The following SYNE2 variants were observed in gnomAD, a reference collection of about 807,000 sequenced individuals.
SYNE2 encodes the protein spectrin repeat containing nuclear envelope protein 2.
In SYNE2, 431 loss-of-function variants were observed where a neutral mutation model predicts 856.3. The ratio of observed to expected loss-of-function variants is 0.50; its 90% CI spans 0.47 to 0.55. The LOEUF (loss-of-function observed/expected upper bound fraction) is 0.55, where lower values mean the gene tolerates loss of function less well. Ranked by LOEUF, SYNE2 falls within the 20% of genes least tolerant of loss-of-function variation. The pLI, the probability that SYNE2 is intolerant of heterozygous loss-of-function variation, is 0.00. For synonymous variants in SYNE2, 2,923 were observed against 2,872.3 expected, an observed-to-expected ratio of 1.02 and a Z score of -0.56; for missense variants, 8,129 against 8,023.2, an observed-to-expected ratio of 1.01 and a Z score of -0.50.
intron 18 of SYNE2, among the ~76,000 whole-genome samples, chr14:63,985,099 G>C (rs2096614906): frequency 6.6e-6 from 1 of 152,194 alleles, no homozygotes; most frequent in Non-Finnish European, 1.5e-5. Flanking sequence ...GAAGGCCAAG[G>C]CAGGCAGATC....
Position 64,225,061 on chromosome 14 carries a change from C to A in SYNE2, c.20516+16C>A. 1 of 1,613,642 alleles carries A rather than the reference C, an allele frequency of 6.2e-7. No individual in the cohort carries two copies. The highest frequency in any genetic ancestry group is 8.5e-7 in the Non-Finnish European group (1 of 1,179,698). The stretch of plus-strand genomic sequence containing the variant: ...CAGAGAGCAGGTAACGGGGCTTTAC[C>A]GTGACAGCAGTGCGTTCCCCTGCTC... On this transcript the variant is annotated intron_variant, in intron 115 of 115. Coordinates refer to ENST00000555002, the MANE Select transcript of SYNE2 (RefSeq NM_182914.3).
At chr14:64,174,069 T>G in intron 94 of SYNE2, 1 of 159,816 alleles carries the variant, frequency 6.3e-6, no homozygotes. Flanking sequence ...GTCTCTTAAA[T>G]TTTTTTTTTT....
At chr14:63,868,583 A>G (rs8017009) in intron 1 of SYNE2, among the ~76,000 whole-genome samples, 70,346 of 152,010 alleles carry the variant, frequency 0.46, 17,250 homozygotes, top group South Asian at 0.58. Flanking sequence ...ACTTTGCCTA[A>G]TTATTCCCAA....
chr14:64,184,151 C>T (rs570666443), intron 96 of SYNE2, among the ~76,000 whole-genome samples: 59 of 152,248 alleles, frequency 3.9e-4, no homozygotes, highest in African/African-American at 1.3e-3. Context: ...TTAAAGCTCT[C>T]GAGACATACA....
chr14:63,863,416 A>G (rs1894289782), intron 1 of SYNE2, among the ~76,000 whole-genome samples: 1 of 152,194 alleles, frequency 6.6e-6, no homozygotes, highest in Non-Finnish European at 1.5e-5. Flanking sequence ...TGATTGTATC[A>G]CTTATGACTG....
chr14:63,967,916 A>T lies in SYNE2; in HGVS notation c.1128+70A>T. 2.7e-6 allele frequency: 4 copies of T among 1,506,030 alleles called. No individual in the cohort carries two copies. The South Asian group carries it at 4.5e-5, about 17-fold the overall frequency. 93.3% of individuals were successfully genotyped at this position (1,506,030 alleles called of 1,614,324 possible). ...AGTGGCTCACACCTGTAATCCCAGC[A>T]CTTTGGGAGACCAAGGCGGGTGGAT... On this transcript the variant is annotated intron_variant, in intron 11 of 115. Coordinates refer to ENST00000555002, the MANE Select transcript of SYNE2 (RefSeq NM_182914.3).
chr14:64,136,060 T>C (rs1360035896), intron 78 of SYNE2, among the ~76,000 whole-genome samples: 1 of 151,840 alleles, frequency 6.6e-6, no homozygotes. Flanking sequence ...GAGGCCGAGG[T>C]GGGTGGATAA....
intron 1 of SYNE2, among the ~76,000 whole-genome samples, chr14:63,786,775 A>AG (rs916195573): frequency 2.0e-5 from 3 of 151,976 alleles, no homozygotes; most frequent in Admixed American, 2.0e-4. Context: ...TTTTAAAAAA[A>AG]GTTTTTTAGA....
At position 64,225,675 on chromosome 14, in the gene SYNE2, G is replaced by C. The variant is rs886050603; in HGVS notation, c.*149G>C. ...TGGGCTTACCCAGCACGGGCTCCCT[G>C]GAGCCCAGGGCAGCTTTCAGATTGT... On this transcript the variant is annotated 3_prime_UTR_variant, in exon 116 of 116. Coordinates refer to ENST00000555002, the MANE Select transcript of SYNE2 (RefSeq NM_182914.3). 4.6e-6 allele frequency: 4 copies of C among 862,020 alleles called. No homozygotes were observed. The East Asian group carries it at 1.1e-4, about 23-fold the overall frequency. 53.4% of individuals were successfully genotyped at this position (862,020 alleles called of 1,614,324 possible).
In SYNE2 at chr14:64,132,131, C is replaced by T; in HGVS notation, c.14341-134C>T. 3.9e-6 allele frequency: 4 copies of T among 1,023,518 alleles called. No individual in the cohort carries two copies. In the Admixed American group the frequency reaches 6.8e-5, roughly 17 times the overall value. The allele number at this position is 1,023,518 out of a possible 1,614,324, so 63.4% of individuals were successfully genotyped here. A position where few individuals can be genotyped will look rare whatever the true frequency, so the allele number is the denominator to read the frequency against. On this transcript the variant is annotated intron_variant, in intron 76 of 115. Transcript: ENST00000555002. The stretch of plus-strand genomic sequence containing the variant: ...GTATTGCCATCTTGGCCAGGCTGGT[C>T]AATTTGACTCTACACGGATGTCCTG...
chr14:64,049,927 C>T (rs1467899959), intron 47 of SYNE2, 51 bp downstream of exon 47: 2 of 1,605,424 alleles, frequency 1.2e-6, no homozygotes, highest in Non-Finnish European at 1.7e-6. Flanking sequence ...GCACAACCAT[C>T]TGCCACCTTG....
intron 2 of SYNE2, among the ~76,000 whole-genome samples, chr14:63,929,660 A>G (rs2095718383): frequency 6.6e-6 from 1 of 151,454 alleles, no homozygotes; most frequent in South Asian, 2.1e-4. Context: ...AATCCCAGCT[A>G]CTCGGGAGGC....
intron 2 of SYNE2, among the ~76,000 whole-genome samples, chr14:63,936,937 G>T (rs942347476): frequency 6.6e-6 from 1 of 152,108 alleles, no homozygotes; most frequent in Non-Finnish European, 1.5e-5. Flanking sequence ...CAGGATATCT[G>T]GAGGCATTAG....
intron 1 of SYNE2, among the ~76,000 whole-genome samples, chr14:63,827,164 G>A (rs1338749651): frequency 6.6e-6 from 1 of 151,732 alleles, no homozygotes; most frequent in African/African-American, 2.4e-5. Flanking sequence ...TGGAATCCCA[G>A]CTACTTGGGA....
chr14:63,914,724 G>A (rs2095514387), intron 2 of SYNE2, among the ~76,000 whole-genome samples: 1 of 152,160 alleles, frequency 6.6e-6, no homozygotes, highest in Admixed American at 6.5e-5. Flanking sequence ...AGCTGCTTGG[G>A]AAAATAGTAG....
chr14:63,995,727 A>G (rs1299103510), intron 23 of SYNE2, among the ~76,000 whole-genome samples: 1 of 43,934 alleles, frequency 2.3e-5, no homozygotes, highest in Non-Finnish European at 4.4e-5. Context: ...TTCTATATCT[A>G]TCCATCTATC....
intron 100 of SYNE2, among the ~76,000 whole-genome samples, chr14:64,205,461 G>A (rs1152597): frequency 0.076 from 11,588 of 152,120 alleles, 620 homozygotes; most frequent in East Asian, 0.32. Flanking sequence ...CCTTACCTAT[G>A]TTTACTTTTC....
chr14:64,225,596 C>G lies in SYNE2; in HGVS notation c.*70C>G, dbSNP rs750542206. 6 of 1,517,194 alleles carry G rather than the reference C, an allele frequency of 4.0e-6. No homozygotes were observed. In the African/African-American group the frequency reaches 6.9e-5, roughly 17 times the overall value. 94.0% of individuals were successfully genotyped at this position (1,517,194 alleles called of 1,614,324 possible). A position where few individuals can be genotyped will look rare whatever the true frequency, so the allele number is the denominator to read the frequency against. Reference sequence around the variant, plus strand: ...AGGGTGCCCAGCACGTGGCCCCAGACCAATCTGAGTGACTTAGTGTTGGCA... The same window carrying G: ...AGGGTGCCCAGCACGTGGCCCCAGAGCAATCTGAGTGACTTAGTGTTGGCA... On this transcript the variant is annotated 3_prime_UTR_variant, in exon 116 of 116. Transcript: ENST00000555002.
At position 63,952,402 on chromosome 14, in the gene SYNE2, T is replaced by G. The variant is rs148110177; in HGVS notation, c.591-2317T>G. ...AGCTTTTGCCATTACTTTTAATTAC[T>G]TAAAAGTAATTGCATTACTTTTGCC... On this transcript the variant is annotated intron_variant, in intron 7 of 115. Transcript: ENST00000555002. Among the ~76,000 whole-genome samples, 380 of 152,384 alleles carry G rather than the reference T, an allele frequency of 2.5e-3. 1 individual carries two copies. Among genetic ancestry groups the G allele is most frequent in the Non-Finnish European group, 4.1e-3 (280 of 68,034 alleles).
Sources: gnomAD v4.1 joint callset for allele counts (sites outside exome capture counted in the v4.1 genomes callset) on GRCh38, gnomAD v4.1.1 for gene constraint, MANE v1.5 for transcripts, NCBI Gene and HGNC (gene_info 2026-07-23, HGNC 2026-07-21) for gene names.